The following KIF26A variants were observed in gnomAD, a reference collection of about 807,000 sequenced individuals.
KIF26A encodes the protein kinesin family member 26A.
KIF26A carries 74 observed loss-of-function variants against 126.0 expected under a neutral mutation model. The observed-to-expected ratio is 0.59, with a 90% confidence interval of 0.49 to 0.71. The LOEUF (loss-of-function observed/expected upper bound fraction) is 0.71, where lower values mean the gene tolerates loss of function less well. Ranked by LOEUF, KIF26A falls within the 30% of genes least tolerant of loss-of-function variation. The probability of loss-of-function intolerance (pLI) is 0.00; values close to 1 mark genes in which losing one functional copy is unlikely to be tolerated. For synonymous variants in KIF26A, 1,445 were observed against 1,232.7 expected, an observed-to-expected ratio of 1.17 and a Z score of -3.61; for missense variants, 2,984 against 2,763.3, an observed-to-expected ratio of 1.08 and a Z score of -1.79.
intron 5 of KIF26A, among the ~76,000 whole-genome samples, chr14:104,167,837 C>T (rs558615595): frequency 6.6e-6 from 1 of 152,246 alleles, no homozygotes; most frequent in South Asian, 2.1e-4. Flanking sequence ...CCGCCCAGCA[C>T]CCCGAAAGCA....
intron 11 of KIF26A, 105 bp from the exon 12 acceptor site, chr14:104,174,877 T>G (rs2037998864): frequency 4.8e-6 from 6 of 1,249,954 alleles, no homozygotes; most frequent in South Asian, 4.8e-5. Flanking sequence ...TGCTGTAGTT[T>G]TCATCACAGT....
At chr14:104,162,872 A>C (rs1465435083) in intron 4 of KIF26A, among the ~76,000 whole-genome samples, 1 of 151,880 alleles carries the variant, frequency 6.6e-6, no homozygotes, top group African/African-American at 2.4e-5. Flanking sequence ...CTGCCTGTCC[A>C]GGTAGGGTGG....
rs1195811294 is a variant in KIF26A, at chr14:104,175,899, G to T, written c.3111G>T (p.Val1037=). The change falls in exon 12 of 15, where the codon GTG becomes GTT. Residue 1037 remains valine, a synonymous_variant. Transcript: ENST00000423312. ...NGEDELVFTV[V]EELSLGALAG... is the part of the protein sequence containing the mutation. ...AGGACGAGCTGGTGTTCACGGTGGT[G>T]GAGGAGCTGTCCCTGGGGGCGCTTG... 6.5e-7 allele frequency: 1 copy of T among 1,543,436 alleles called. No individual in the cohort carries two copies. The highest frequency in any genetic ancestry group is 8.7e-7 in the Non-Finnish European group (1 of 1,149,552).
intron 5 of KIF26A, among the ~76,000 whole-genome samples, chr14:104,167,658 T>C (rs116849933): frequency 0.043 from 6,560 of 152,244 alleles, 182 homozygotes; most frequent in Non-Finnish European, 0.063. Flanking sequence ...CTGCCCTGGC[T>C]GGACGTGGCC....
In KIF26A at chr14:104,151,963, C is replaced by A. The variant is rs536898193; in HGVS notation, c.289-52C>A. ...GAGAGTGCTGGTGGGCTCTGGGTGC[C>A]GGCCCTCCCTCCCCAGGCACTGACC... On this transcript the variant is annotated intron_variant, in intron 2 of 14. Coordinates refer to ENST00000423312, the MANE Select transcript of KIF26A (RefSeq NM_015656.2). This position sits in a 1 kb window ranked among gnomAD's most constrained non-coding sequence, Gnocchi z 4.9. 7.1e-5 allele frequency: 110 copies of A among 1,555,386 alleles called. No homozygotes were observed. Among genetic ancestry groups the A allele is most frequent in the Middle Eastern group, 1.7e-4 (1 of 5,868 alleles).
chr14:104,150,206 CCCTCCTCCT>C (rs534619963), intron 2 of KIF26A, among the ~76,000 whole-genome samples: 1 of 73,076 alleles, frequency 1.4e-5, no homozygotes, highest in Non-Finnish European at 3.8e-5. Context: ...CTCCCCCACC[CCCTCCTCCT>C]CCTCCTCCTC....
At position 104,171,639 on chromosome 14, in the gene KIF26A, A is replaced by G. The variant is rs1017821037; in HGVS notation, c.1114-84A>G. 2.4e-5 allele frequency: 29 copies of G among 1,220,536 alleles called. No individual in the cohort carries two copies. In the African/African-American group the frequency reaches 4.4e-4, roughly 18 times the overall value. The allele number at this position is 1,220,536 out of a possible 1,614,324, so 75.6% of individuals were successfully genotyped here. ...GTGTGAGGCCTGGCCCGCTGTCCCC[A>G]CCTGAGCTGGGCCCCTCCTGCCCTG... is the stretch of plus-strand genomic sequence containing the variant. On this transcript the variant is annotated intron_variant, in intron 5 of 14. Coordinates refer to ENST00000423312, the MANE Select transcript of KIF26A (RefSeq NM_015656.2).
chr14:104,151,549 G>T lies in KIF26A; in HGVS notation c.289-466G>T, dbSNP rs1461713837. On this transcript the variant is annotated intron_variant, in intron 2 of 14. Transcript: ENST00000423312. This position sits in a 1 kb window ranked among gnomAD's most constrained non-coding sequence, Gnocchi z 4.9. The stretch of plus-strand genomic sequence containing the variant: ...TTTGATTTTCCACCTGCCCCACCGG[G>T]GCTGGAGACCTGAAGAGGAAGGGAG... Among the ~76,000 whole-genome samples, 1 of 152,214 alleles carries T rather than the reference G, an allele frequency of 6.6e-6. No homozygotes were observed. Among genetic ancestry groups the T allele is most frequent in the African/African-American group, 2.4e-5 (1 of 41,442 alleles).
Position 104,143,647 on chromosome 14 carries a change from G to A in KIF26A, c.288+4359G>A, listed in dbSNP as rs1287905255. 7.2e-5 allele frequency among the ~76,000 whole-genome samples: 11 copies of A among 152,346 alleles called. No individual in the cohort carries two copies. In the South Asian group the frequency reaches 1.4e-3, roughly 20 times the overall value. ...ATGGTCCTGGGAGGGTAGGAGCTGCGCCCGAGTGGTCCCATGACGGATGCT... is the reference window on the plus strand; with the variant it reads ...ATGGTCCTGGGAGGGTAGGAGCTGCACCCGAGTGGTCCCATGACGGATGCT... On this transcript the variant is annotated intron_variant, in intron 2 of 14. Coordinates refer to ENST00000423312, the MANE Select transcript of KIF26A (RefSeq NM_015656.2).
chr14:104,174,514 G>T (rs1265500988), intron 11 of KIF26A, among the ~76,000 whole-genome samples: 1 of 152,208 alleles, frequency 6.6e-6, no homozygotes, highest in African/African-American at 2.4e-5. Context: ...CCTGGCTGCA[G>T]TGGGCAGAAT....
At chr14:104,174,393 G>A (rs1566864563) in intron 11 of KIF26A, 83 bp downstream of exon 11, 2 of 1,354,970 alleles carry the variant, frequency 1.5e-6, no homozygotes, top group East Asian at 2.8e-5. Flanking sequence ...CCTGGTTGGG[G>A]TGGGGGTCAG....
chr14:104,168,596 C>T (rs951431478), intron 5 of KIF26A, among the ~76,000 whole-genome samples: 1 of 152,160 alleles, frequency 6.6e-6, no homozygotes, highest in African/African-American at 2.4e-5. Context: ...TGTGGTGAGA[C>T]CACCAGGAGC....
intron 3 of KIF26A, among the ~76,000 whole-genome samples, chr14:104,154,707 C>T (rs1285474666): frequency 6.6e-6 from 1 of 152,256 alleles, no homozygotes; most frequent in African/African-American, 2.4e-5. Context: ...GAACCGTGGC[C>T]CATTTCACGC....
At chr14:104,165,061 C>T (rs886218681) in intron 4 of KIF26A, among the ~76,000 whole-genome samples, 5 of 150,128 alleles carry the variant, frequency 3.3e-5, no homozygotes, top group Non-Finnish European at 7.4e-5. Context: ...CTGTGTGTCT[C>T]TGTGTTTCTG....
chr14:104,178,484 C>T, intron 12 of KIF26A, 66 bp from the exon 13 acceptor site: 1 of 1,242,266 alleles, frequency 8.0e-7, no homozygotes, highest in Non-Finnish European at 1.1e-6. Flanking sequence ...CCGCAGCGTC[C>T]CCGCAGGGGC....
intron 12 of KIF26A, 32 bp downstream of exon 12, chr14:104,177,930 T>A (rs761654721): frequency 1.4e-6 from 2 of 1,467,676 alleles, no homozygotes; most frequent in Admixed American, 4.8e-5. Context: ...CCTCTACAGT[T>A]TACGGGCTTT....
chr14:104,177,923 CTACAGTT>C, intron 12 of KIF26A, 25 bp downstream of exon 12: 3 of 1,479,358 alleles, frequency 2.0e-6, no homozygotes, highest in Non-Finnish European at 2.7e-6. Flanking sequence ...GCACAGCCCT[CTACAGTT>C]TACGGGCTTT....
At chr14:104,163,958 C>T (rs573736663) in intron 4 of KIF26A, among the ~76,000 whole-genome samples, 2 of 152,248 alleles carry the variant, frequency 1.3e-5, no homozygotes, top group Admixed American at 1.3e-4. Flanking sequence ...CCCCCGGCTC[C>T]ACGTCTTGCC....
intron 3 of KIF26A, among the ~76,000 whole-genome samples, chr14:104,154,354 CGTT>C (rs2037757841): frequency 6.6e-6 from 1 of 152,142 alleles, no homozygotes; most frequent in Non-Finnish European, 1.5e-5. Context: ...GGATGCTGAA[CGTT>C]ACTGGGTCTG....
Sources: allele counts gnomAD v4.1 joint callset (sites outside exome capture counted in the v4.1 genomes callset), GRCh38; gene constraint gnomAD v4.1.1; non-coding constraint Gnocchi (gnomAD v3.1); transcripts MANE v1.5; gene names NCBI Gene and HGNC (gene_info 2026-07-23, HGNC 2026-07-21).